Variants in EPG5 observed in about 807,000 individuals in gnomAD.
EPG5 encodes the protein ectopic P granules protein 5 homolog.
A neutral mutation model predicts 302.7 loss-of-function variants in EPG5; 159 were observed. The ratio of observed to expected loss-of-function variants is 0.53; its 90% CI spans 0.46 to 0.60. The LOEUF (loss-of-function observed/expected upper bound fraction) is 0.60, where lower values mean the gene tolerates loss of function less well. Ranked by LOEUF, EPG5 falls within the 20% of genes least tolerant of loss-of-function variation. The probability of loss-of-function intolerance (pLI) is 0.00; values close to 1 mark genes in which losing one functional copy is unlikely to be tolerated. For synonymous variants in EPG5, 1,158 were observed against 1,136.8 expected, an observed-to-expected ratio of 1.02 and a Z score of -0.37; for missense variants, 2,896 against 3,092.4, an observed-to-expected ratio of 0.94 and a Z score of 1.51.
In EPG5 at chr18:45,952,488, G is replaced by A. The variant is rs1381132534; in HGVS notation, c.1164C>T (p.Leu388=). The A allele has an allele frequency of 2.5e-6, 4 of 1,614,182 alleles. No individual in the cohort carries two copies. The highest frequency in any genetic ancestry group is 3.4e-6 in the Non-Finnish European group (4 of 1,180,026). Residue 388 remains leucine (L), a synonymous_variant, in exon 3 of 44, where the codon CTC becomes CTT. Coordinates refer to ENST00000282041, the MANE Select transcript of EPG5 (RefSeq NM_020964.3). ...TGTAAGACTCCACTTGCAATCTTGA[G>A]AGCACAGAAGTATAAGAATGAAGGG... is the stretch of plus-strand genomic sequence containing the variant. ...TLALHSYTSV[L]SRLQVESYIY... is the part of the protein sequence containing the mutation.
At chr18:45,903,576 C>T (rs1317546256) in intron 25 of EPG5, among the ~76,000 whole-genome samples, 2 of 152,074 alleles carry the variant, frequency 1.3e-5, no homozygotes, top group Non-Finnish European at 2.9e-5. Flanking sequence ...TAATAGGTTA[C>T]CCCAAATATC....
chr18:45,939,845 ATATTTATT>A (rs771373713), intron 9 of EPG5, 90 bp from the exon 10 acceptor site: 71 of 1,227,948 alleles, frequency 5.8e-5, no homozygotes, highest in Non-Finnish European at 7.6e-5. Flanking sequence ...TATTCAACAC[ATATTTATT>A]GAGCACCTAC....
At chr18:45,930,897 C>A in intron 11 of EPG5, 67 bp from the exon 12 acceptor site, 1 of 1,366,908 alleles carries the variant, frequency 7.3e-7, no homozygotes, top group East Asian at 2.6e-5. Context: ...ATCACTCTTC[C>A]AGAGAAAAAG....
rs977677513 is a variant in EPG5 at position 45,879,120 on chromosome 18, C to T, written c.5762G>A (p.Ser1921Asn). The T allele has an allele frequency of 6.2e-6, 10 of 1,614,026 alleles. No individual in the cohort carries two copies. The highest frequency in any genetic ancestry group is 8.5e-6 in the Non-Finnish European group (10 of 1,180,010). Residue 1921 changes from serine (S) to asparagine (N), a missense_variant, in exon 33 of 44, where the codon AGT becomes AAT. Around this residue, in one of 5 missense-constraint regions of EPG5, gnomAD observed 790 missense variants for 798.0 expected, o/e 0.99. Transcript: ENST00000282041. ...FKSFGLFSKW[S>N]PYMADVKTFL... ...TGTCTTCACATCAGCCATATAAGGA[C>T]TCCATTTTGAGAATAAACCAAAGCT...
At chr18:45,831,799 G>A in the EPG5 span, among the ~76,000 whole-genome samples, 2 of 151,984 alleles carry the variant, frequency 1.3e-5, no homozygotes, top group African/African-American at 2.4e-5. Flanking sequence ...GTACAGTGGG[G>A]CAATCTCGGC....
At chr18:45,880,900 G>A (rs557245338) in intron 31 of EPG5, among the ~76,000 whole-genome samples, 1 of 152,192 alleles carries the variant, frequency 6.6e-6, no homozygotes, top group East Asian at 1.9e-4. Context: ...TCCAGTGTGA[G>A]GTACCTGGGG....
At chr18:45,959,386 C>A (rs57006780) in intron 1 of EPG5, among the ~76,000 whole-genome samples, 56 of 152,144 alleles carry the variant, frequency 3.7e-4, no homozygotes, top group African/African-American at 1.3e-3. Context: ...GCGGCTCACA[C>A]CTGTAATCCC....
Position 45,858,672 on chromosome 18 carries a change from T to C in EPG5, c.7120A>G (p.Thr2374Ala). ...QECLTLGSYL[T>A]LYVYLLQCLN... ...CACTGAAGCAAGTAGACGTAAAGAG[T>C]CAAGTAACTGCCCAAGGTGAGGCAC... The change falls in exon 41 of 44, where the codon ACT becomes GCT. Residue 2374 changes from threonine to alanine, a missense_variant. This residue lies in a region of EPG5 where 620 missense variants were observed against 704.2 expected (regional missense o/e 0.88). Coordinates refer to ENST00000282041, the MANE Select transcript of EPG5 (RefSeq NM_020964.3). The C allele has an allele frequency of 1.2e-6, 2 of 1,613,900 alleles. No individual in the cohort carries two copies. Among genetic ancestry groups the C allele is most frequent in the South Asian group, 2.2e-5 (2 of 91,072 alleles).
rs773704123 is a variant in EPG5, at chr18:45,955,326, ACTT to A, written c.73_75del (p.Lys25del). The stretch of plus-strand genomic sequence containing the variant: ...GACTCTTCCCTCTGAGGAGTTTCAT[ACTT>A]CTTCTTTTCCTAAAAACAACATACA... On this transcript the variant is annotated inframe_deletion, in exon 2 of 44. Transcript: ENST00000282041. The A allele has an allele frequency of 1.0e-5, 16 of 1,550,070 alleles. No homozygotes were observed. The East Asian group carries it at 2.5e-4, about 25-fold the overall frequency.
chr18:45,900,159 T>C (rs1338671099), intron 26 of EPG5, among the ~76,000 whole-genome samples: 1 of 152,110 alleles, frequency 6.6e-6, no homozygotes, highest in Non-Finnish European at 1.5e-5. Context: ...TCCCAGCACT[T>C]TGGGAGGCCG....
At chr18:45,809,464 G>C in the EPG5 span, among the ~76,000 whole-genome samples, 1 of 152,130 alleles carries the variant, frequency 6.6e-6, no homozygotes, top group African/African-American at 2.4e-5. Flanking sequence ...TAGACCATAT[G>C]ATAGGCCACA....
At chr18:45,911,122 T>G (rs992542804) in intron 22 of EPG5, among the ~76,000 whole-genome samples, 1 of 150,612 alleles carries the variant, frequency 6.6e-6, no homozygotes, top group Non-Finnish European at 1.5e-5. Flanking sequence ...TATATATATA[T>G]ATATACATTT....
chr18:45,845,868 C>T (rs1394948796), downstream of EPG5, among the ~76,000 whole-genome samples: 3 of 152,338 alleles, frequency 2.0e-5, no homozygotes, highest in Middle Eastern at 3.4e-3. Flanking sequence ...GAGCCCAACA[C>T]ACTTTCCCTG....
Position 45,915,589 on chromosome 18 carries a change from C to G in EPG5, c.3615G>C (p.Leu1205=). 2 of 1,614,144 alleles carry G rather than the reference C, an allele frequency of 1.2e-6. No homozygotes were observed. Among genetic ancestry groups the G allele is most frequent in the Non-Finnish European group, 1.7e-6 (2 of 1,180,014 alleles). ...CAATCCAGCTTACCAAAGATGAGAG[C>G]AGACTCCGGTCACAGTGGTAACCCA... is the stretch of plus-strand genomic sequence containing the variant. ...NALGYHCDRS[L]LSSLVSWIVA... is the part of the protein sequence containing the mutation. The change falls in exon 20 of 44, where the codon CTG becomes CTC. Residue 1205 remains leucine, a synonymous_variant. Coordinates refer to ENST00000282041, the MANE Select transcript of EPG5 (RefSeq NM_020964.3).
chr18:45,874,275 G>A (rs1389273199), intron 35 of EPG5, among the ~76,000 whole-genome samples: 1 of 151,838 alleles, frequency 6.6e-6, no homozygotes. Context: ...AGGTATAAAG[G>A]AATTCTTGTA....
At chr18:45,920,605 G>A (rs1373733731) in intron 16 of EPG5, among the ~76,000 whole-genome samples, 1 of 152,222 alleles carries the variant, frequency 6.6e-6, no homozygotes, top group Non-Finnish European at 1.5e-5. Context: ...ATCACATGGT[G>A]AGACAGGAAG....
chr18:45,927,632 A>ACACACG (rs1318698288), intron 13 of EPG5, among the ~76,000 whole-genome samples: 19 of 151,572 alleles, frequency 1.3e-4, no homozygotes, highest in East Asian at 1.9e-4. Flanking sequence ...ACACACACAC[A>ACACACG]CGCACCAAGG....
intron 34 of EPG5, 134 bp downstream of exon 34, chr18:45,878,242 A>C (rs1174095173): frequency 1.6e-6 from 1 of 627,032 alleles, no homozygotes; most frequent in Non-Finnish European, 2.8e-6. Context: ...TTTTGAAAAG[A>C]AGCCTTTTCT....
chr18:45,812,085 C>T, the EPG5 span, among the ~76,000 whole-genome samples: 63 of 152,278 alleles, frequency 4.1e-4, no homozygotes, highest in African/African-American at 1.4e-3. Context: ...GATACAAAAT[C>T]GATCTGCAAA....
Sources: allele counts gnomAD v4.1 joint callset (sites outside exome capture counted in the v4.1 genomes callset), GRCh38; gene constraint gnomAD v4.1.1; regional missense constraint gnomAD v4.1.1; transcripts MANE v1.5; gene names NCBI Gene and HGNC (gene_info 2026-07-23, HGNC 2026-07-21).